The following LRRK1 variants were observed in gnomAD, a reference collection of about 807,000 sequenced individuals.
LRRK1 encodes the protein leucine-rich repeat serine/threonine-protein kinase 1.
Under a neutral mutation model 209.1 loss-of-function variants are expected in LRRK1, and 113 were observed. That is an observed-to-expected ratio of 0.54 (90% CI 0.46 to 0.63). The LOEUF (loss-of-function observed/expected upper bound fraction) is 0.63. Ranked by LOEUF, LRRK1 falls within the 30% of genes least tolerant of loss-of-function variation. LRRK1 has a pLI of 0.00. For missense variants in LRRK1, 2,284 were observed against 2,632.2 expected (o/e 0.87, Z 2.89); for synonymous variants, 1,144 against 1,099.7 (o/e 1.04, Z -0.80).
rs763245069 is a variant in LRRK1 at position 101,046,026 on chromosome 15, C to T, written c.3009C>T (p.Thr1003=). The T allele has an allele frequency of 6.2e-7, 1 of 1,614,180 alleles. No homozygotes were observed. Among genetic ancestry groups the T allele is most frequent in the Non-Finnish European group, 8.5e-7 (1 of 1,180,028 alleles). ...TTCCATCTAAACCTGGCCTGGACAC[C>T]CACGGTATGCGGCACCCCACAGCCA... ...HLLPSKPGLD[T]HGMRHPTANT... is the part of the protein sequence containing the mutation. Residue 1003 remains threonine, a synonymous_variant, in exon 21 of 34, where the codon ACC becomes ACT. Coordinates refer to ENST00000388948, the MANE Select transcript of LRRK1 (RefSeq NM_024652.6).
chr15:100,966,069 A>G (rs1377099984), intron 2 of LRRK1, among the ~76,000 whole-genome samples: 4 of 152,240 alleles, frequency 2.6e-5, no homozygotes, highest in African/African-American at 9.6e-5. Context: ...AAAGAATATA[A>G]TTATGGATAA....
At chr15:100,977,857 G>A (rs1285392217) in intron 3 of LRRK1, among the ~76,000 whole-genome samples, 2 of 152,072 alleles carry the variant, frequency 1.3e-5, no homozygotes, top group Admixed American at 6.5e-5. Context: ...CAGAAAGATC[G>A]CAAACTCACT....
intron 2 of LRRK1, among the ~76,000 whole-genome samples, chr15:100,945,641 C>T (rs2042527099): frequency 6.6e-6 from 1 of 151,682 alleles, no homozygotes; most frequent in Non-Finnish European, 1.5e-5. Context: ...TCACAGGCGC[C>T]CACCAACACA....
chr15:101,017,947 A>G (rs1161905398), intron 12 of LRRK1, among the ~76,000 whole-genome samples: 2 of 152,138 alleles, frequency 1.3e-5, no homozygotes, highest in African/African-American at 4.8e-5. Context: ...GAATATAGGT[A>G]TAACTTTGCT....
chr15:100,939,852 C>T (rs1210461321), intron 2 of LRRK1, among the ~76,000 whole-genome samples: 1 of 152,152 alleles, frequency 6.6e-6, no homozygotes, highest in African/African-American at 2.4e-5. Context: ...TTCCCTAGCA[C>T]CTTTTGAAGG....
intron 2 of LRRK1, among the ~76,000 whole-genome samples, chr15:100,954,659 A>G (rs984283560): frequency 1.3e-5 from 2 of 152,072 alleles, no homozygotes; most frequent in African/African-American, 4.8e-5. Flanking sequence ...ATTTCTAGTT[A>G]ATTTCTGTGC....
chr15:100,926,606 C>T lies in LRRK1; in HGVS notation c.97+1877C>T, dbSNP rs1412719086. On this transcript the variant is annotated intron_variant, in intron 2 of 33. Transcript: ENST00000388948. ...GGAGCAGCATCTTGGGGCAGGGGGG[C>T]GGGGAGTGAACAAGCATGGGTAATT... Among the ~76,000 whole-genome samples, 7 of 68,872 alleles carry T rather than the reference C, an allele frequency of 1.0e-4. No individual in the cohort carries two copies. The East Asian group carries it at 1.6e-3, about 16-fold the overall frequency. 45.2% of individuals were successfully genotyped at this position (68,872 alleles called of 152,430 possible). A position where few individuals can be genotyped will look rare whatever the true frequency, so the allele number is the denominator to read the frequency against.
chr15:101,029,332 T>C (rs2034182376), intron 20 of LRRK1, 100 bp downstream of exon 20: 2 of 1,228,650 alleles, frequency 1.6e-6, no homozygotes. Context: ...TTTCCAGGGA[T>C]CAGTGCTGCC....
chr15:101,019,215 G>T (rs2033672541), intron 12 of LRRK1, among the ~76,000 whole-genome samples: 1 of 152,174 alleles, frequency 6.6e-6, no homozygotes, highest in Non-Finnish European at 1.5e-5. Flanking sequence ...TACTTAAAGA[G>T]GCTTCATAAA....
At chr15:100,941,422 G>GCC (rs2042422593) in intron 2 of LRRK1, among the ~76,000 whole-genome samples, 1 of 102,360 alleles carries the variant, frequency 9.8e-6, no homozygotes, top group African/African-American at 5.5e-5. Flanking sequence ...CTGTGTGTGT[G>GCC]TGTGTCTGTG....
chr15:100,985,069 G>A (rs1309648549), intron 4 of LRRK1, among the ~76,000 whole-genome samples: 1 of 152,232 alleles, frequency 6.6e-6, no homozygotes, highest in African/African-American at 2.4e-5. Flanking sequence ...TAGTGGTCTT[G>A]TTTGAGGGTT....
rs2041983415 is a variant in LRRK1 at position 100,919,629 on chromosome 15, G to C, written c.-123+178G>C. Among the ~76,000 whole-genome samples the C allele has an allele frequency of 6.6e-6, 1 of 150,414 alleles. No individual in the cohort carries two copies. Among genetic ancestry groups the C allele is most frequent in the African/African-American group, 2.4e-5 (1 of 41,216 alleles). The stretch of plus-strand genomic sequence containing the variant: ...GGGGGGCCGTTGCGCAGGGGCCGCG[G>C]CCCGAGGGGCGCGGAGGGCGTGTGG... On this transcript the variant is annotated intron_variant, in intron 1 of 33. Transcript: ENST00000388948. This position sits in a 1 kb window ranked among gnomAD's most constrained non-coding sequence, Gnocchi z 5.8.
intron 20 of LRRK1, among the ~76,000 whole-genome samples, chr15:101,041,887 A>G (rs1443898550): frequency 6.6e-6 from 1 of 152,252 alleles, no homozygotes; most frequent in Non-Finnish European, 1.5e-5. Context: ...ACAAAACAGT[A>G]TAATTATGAT....
intron 6 of LRRK1, among the ~76,000 whole-genome samples, chr15:100,993,073 G>C (rs190641208): frequency 6.6e-6 from 1 of 152,150 alleles, no homozygotes; most frequent in African/African-American, 2.4e-5. Context: ...CAGGGCCTTC[G>C]TCTGTGTCTT....
intron 2 of LRRK1, among the ~76,000 whole-genome samples, chr15:100,929,528 G>C (rs1158003851): frequency 6.6e-6 from 1 of 152,148 alleles, no homozygotes; most frequent in African/African-American, 2.4e-5. Flanking sequence ...GCTCAAGTAG[G>C]GTCTCTTCCT....
Position 101,065,632 on chromosome 15 carries a change from C to A in LRRK1, c.5195C>A (p.Ala1732Asp). The stretch of plus-strand genomic sequence containing the variant: ...TGCAGGCGGCTGGAGCCCTACATGG[C>A]CCCCTCCATGGTTACGTCAGTCGTG... The part of the protein sequence containing the change: ...EICRRLEPYM[A>D]PSMVTSVVCS... Residue 1732 changes from alanine to aspartate, a missense_variant, in exon 32 of 34, where the codon GCC becomes GAC. Coordinates refer to ENST00000388948, the MANE Select transcript of LRRK1 (RefSeq NM_024652.6). 1 of 1,614,166 alleles carries A rather than the reference C, an allele frequency of 6.2e-7. No homozygotes were observed. The highest frequency in any genetic ancestry group is 8.5e-7 in the Non-Finnish European group (1 of 1,180,032).
At chr15:100,954,754 T>G (rs1000704742) in intron 2 of LRRK1, among the ~76,000 whole-genome samples, 50 of 152,392 alleles carry the variant, frequency 3.3e-4, no homozygotes, top group African/African-American at 1.1e-3. Flanking sequence ...AAGGCCATTC[T>G]TCTCCATTGT....
chr15:100,938,419 C>A (rs1306350134), intron 2 of LRRK1, among the ~76,000 whole-genome samples: 2 of 152,066 alleles, frequency 1.3e-5, no homozygotes, highest in Admixed American at 6.5e-5. Context: ...AAACATTTTT[C>A]ATTTCTTGGT....
intron 2 of LRRK1, among the ~76,000 whole-genome samples, chr15:100,969,198 T>A (rs1183298945): frequency 6.6e-6 from 1 of 152,224 alleles, no homozygotes; most frequent in Non-Finnish European, 1.5e-5. Context: ...AGTTTTTATA[T>A]TCTAGATACC....
Sources: allele counts gnomAD v4.1 joint callset (sites outside exome capture counted in the v4.1 genomes callset), GRCh38; gene constraint gnomAD v4.1.1; non-coding constraint Gnocchi (gnomAD v3.1); transcripts MANE v1.5; gene names NCBI Gene and HGNC (gene_info 2026-07-23, HGNC 2026-07-21).